ABI2: variants seen among roughly 807,000 people sequenced by gnomAD.
ABI2 encodes the protein abelson interactor 2.
ABI2 carries 25 observed loss-of-function variants against 59.2 expected under a neutral mutation model. The ratio of observed to expected loss-of-function variants is 0.42; its 90% CI spans 0.31 to 0.59. The LOEUF (loss-of-function observed/expected upper bound fraction) is 0.59. Ranked by LOEUF, ABI2 falls within the 20% of genes least tolerant of loss-of-function variation. The pLI, the probability that ABI2 is intolerant of heterozygous loss-of-function variation, is 0.14. For synonymous variants in ABI2, 213 were observed against 235.5 expected (o/e 0.90, Z 0.87); for missense variants, 545 against 681.8 (o/e 0.80, Z 2.23).
intron 4 of ABI2, 128 bp from the exon 5 acceptor site, chr2:203,390,918 A>C: frequency 1.5e-6 from 1 of 689,366 alleles, no homozygotes. Flanking sequence ...TATGAAATGC[A>C]TGGCCTCTAA....
At chr2:203,332,794 C>G (rs932511782) in intron 1 of ABI2, among the ~76,000 whole-genome samples, 7 of 152,076 alleles carry the variant, frequency 4.6e-5, no homozygotes, top group Admixed American at 3.3e-4. Context: ...TGTTACTTCC[C>G]TGAAATCTGA....
chr2:203,430,353 C>A lies in ABI2; in HGVS notation c.*3001C>A, dbSNP rs2098473130. On this transcript the variant is annotated 3_prime_UTR_variant, in exon 12 of 12. Transcript: ENST00000261018. ...ACCATTTTATCAAGATAGAGGGATTCTAATGGGAGAGGGGATTCTTCCCTC... is the reference window on the plus strand; with the variant it reads ...ACCATTTTATCAAGATAGAGGGATTATAATGGGAGAGGGGATTCTTCCCTC... 6.6e-6 allele frequency: 1 copy of A among 152,070 alleles called. No homozygotes were observed. The highest frequency in any genetic ancestry group is 6.6e-5 in the Admixed American group (1 of 15,256). 9.4% of individuals were successfully genotyped at this position (152,070 alleles called of 1,614,324 possible).
rs1204122605 is a variant in ABI2, at chr2:203,338,960, A to G, written c.117+10329A>G. 1.7e-3 allele frequency among the ~76,000 whole-genome samples: 10 copies of G among 5,946 alleles called. 1 individual carries two copies. The highest frequency in any genetic ancestry group is 3.3e-3 in the African/African-American group (7 of 2,106). The allele number at this position is 5,946 out of a possible 152,430, so 3.9% of individuals were successfully genotyped here. ...TATATATATATATATATATATATAT[A>G]TAAATATATATATATATATATAAAT... On this transcript the variant is annotated intron_variant, in intron 1 of 11. Coordinates refer to ENST00000261018, the MANE Select transcript of ABI2 (RefSeq NM_001375670.1).
chr2:203,375,528 A>G (rs993474886), intron 2 of ABI2, among the ~76,000 whole-genome samples: 1 of 152,216 alleles, frequency 6.6e-6, no homozygotes, highest in African/African-American at 2.4e-5. Flanking sequence ...TAACATTGTA[A>G]TGTCAAAGAA....
rs576196333 is a variant in ABI2 at position 203,407,624 on chromosome 2, G to T, written c.1193-3661G>T. On this transcript the variant is annotated intron_variant, in intron 9 of 11. Coordinates refer to ENST00000261018, the MANE Select transcript of ABI2 (RefSeq NM_001375670.1). ...TTCATCATTTAGGTTTGGATTGCTTGGAAAGCCTTTTACTGTTTATATCTA... is the reference window on the plus strand; with the variant it reads ...TTCATCATTTAGGTTTGGATTGCTTTGAAAGCCTTTTACTGTTTATATCTA... 1.8e-4 allele frequency among the ~76,000 whole-genome samples: 28 copies of T among 152,260 alleles called. No homozygotes were observed. The South Asian group carries it at 5.8e-3, about 32-fold the overall frequency.
chr2:203,361,617 A>G (rs1228145350), intron 1 of ABI2, among the ~76,000 whole-genome samples: 2 of 152,238 alleles, frequency 1.3e-5, no homozygotes, highest in Non-Finnish European at 2.9e-5. Context: ...AAACTAAAAA[A>G]AAGGAGAAAG....
At chr2:203,378,457 T>C (rs1306439458) in intron 2 of ABI2, among the ~76,000 whole-genome samples, 2 of 152,174 alleles carry the variant, frequency 1.3e-5, no homozygotes, top group African/African-American at 4.8e-5. Flanking sequence ...ATTACTACCA[T>C]GGTTAGTTTT....
intron 4 of ABI2, among the ~76,000 whole-genome samples, chr2:203,385,320 A>G (rs1369477824): frequency 5.4e-5 from 8 of 149,452 alleles, no homozygotes; most frequent in Middle Eastern, 6.9e-3. Flanking sequence ...TTTAGTAGAG[A>G]CGGGGTTTCA....
At position 203,396,956 on chromosome 2, in the gene ABI2, C is replaced by T. The variant is rs2097021579; in HGVS notation, c.1022C>T (p.Thr341Ile). 6.6e-7 allele frequency: 1 copy of T among 1,509,674 alleles called. No homozygotes were observed. Among genetic ancestry groups the T allele is most frequent in the East Asian group, 2.6e-5 (1 of 38,780 alleles). The allele number at this position is 1,509,674 out of a possible 1,614,324, so 93.5% of individuals were successfully genotyped here. Residue 341 changes from threonine (T) to isoleucine (I), a missense_variant, in exon 8 of 12, where the codon ACT becomes ATT. Thr to Ile is a moderately conservative substitution (Grantham distance 89). Transcript: ENST00000261018. ...CCAACTCCCCCTGTTGTTTCTTCCA[C>T]TCCCCCTACAGGTAAGTATTTGCTT... is the stretch of plus-strand genomic sequence containing the variant. ...TSPTPPVVSS[T>I]PPTGHPVQFY... is the part of the protein sequence containing the mutation.
chr2:203,399,705 G>A (rs2097144346), intron 8 of ABI2, among the ~76,000 whole-genome samples: 1 of 152,176 alleles, frequency 6.6e-6, no homozygotes, highest in Non-Finnish European at 1.5e-5. Context: ...AGTAGAGACG[G>A]GGTTTCACCA....
intron 1 of ABI2, among the ~76,000 whole-genome samples, chr2:203,333,448 C>T (rs1273581452): frequency 4.6e-5 from 7 of 151,806 alleles, no homozygotes; most frequent in Admixed American, 2.0e-4. Flanking sequence ...ATTTATAGGT[C>T]GAGTTCTGTA....
intron 11 of ABI2, among the ~76,000 whole-genome samples, chr2:203,419,423 C>T (rs553106907): frequency 1.3e-5 from 2 of 151,604 alleles, no homozygotes; most frequent in African/African-American, 4.8e-5. Context: ...GGCTGGAGTG[C>T]AGTGGTGTGA....
At chr2:203,334,011 G>A (rs573561785) in intron 1 of ABI2, among the ~76,000 whole-genome samples, 32 of 147,554 alleles carry the variant, frequency 2.2e-4, no homozygotes, top group African/African-American at 7.8e-4. Flanking sequence ...CGTGATCTTC[G>A]CTCACTACAA....
chr2:203,358,416 A>G (rs571707364), intron 1 of ABI2, among the ~76,000 whole-genome samples: 9 of 152,232 alleles, frequency 5.9e-5, no homozygotes, highest in African/African-American at 1.9e-4. Flanking sequence ...CCAAAGTGCC[A>G]GGATTACAGG....
intron 9 of ABI2, among the ~76,000 whole-genome samples, chr2:203,409,140 A>G (rs1047954687): frequency 6.6e-6 from 1 of 151,770 alleles, no homozygotes; most frequent in Admixed American, 6.6e-5. Flanking sequence ...GCCCGGCCCA[A>G]CTACCTTCTC....
intron 1 of ABI2, among the ~76,000 whole-genome samples, chr2:203,334,572 T>C (rs2075573191): frequency 6.6e-6 from 1 of 151,994 alleles, no homozygotes; most frequent in South Asian, 2.1e-4. Context: ...TGTCCAGAGA[T>C]TCTGGGAAAA....
chr2:203,419,727 G>A (rs146476968), intron 11 of ABI2, among the ~76,000 whole-genome samples: 5 of 151,942 alleles, frequency 3.3e-5, no homozygotes, highest in African/African-American at 1.2e-4. Context: ...GAATGCTTTG[G>A]GCTGTAATCC....
rs1467596453 is a variant in ABI2, at chr2:203,430,147, TG to T, written c.*2796del. 4 of 152,242 alleles carry T rather than the reference TG, an allele frequency of 2.6e-5. No individual in the cohort carries two copies. The highest frequency in any genetic ancestry group is 4.4e-5 in the Non-Finnish European group (3 of 68,038). 9.4% of individuals were successfully genotyped at this position (152,242 alleles called of 1,614,324 possible). A position where few individuals can be genotyped will look rare whatever the true frequency, so the allele number is the denominator to read the frequency against. ...TTAATGTATGTAATATTTCATAGAT[TG>T]CATGCTATTAATCATCTGTGAGGGT... On this transcript the variant is annotated 3_prime_UTR_variant, in exon 12 of 12. Coordinates refer to ENST00000261018, the MANE Select transcript of ABI2 (RefSeq NM_001375670.1).
chr2:203,412,567 C>A (rs532331711), intron 10 of ABI2, among the ~76,000 whole-genome samples: 1 of 152,294 alleles, frequency 6.6e-6, no homozygotes, highest in South Asian at 2.1e-4. Context: ...CACACCGTGA[C>A]TTCATAAGAT....
Sources: allele counts gnomAD v4.1 joint callset (sites outside exome capture counted in the v4.1 genomes callset), GRCh38; gene constraint gnomAD v4.1.1; transcripts MANE v1.5; gene names NCBI Gene and HGNC (gene_info 2026-07-23, HGNC 2026-07-21).